THAP11: variants seen among roughly 807,000 people sequenced by gnomAD.
THAP11 encodes THAP domain-containing protein 11.
In THAP11, 8 loss-of-function variants were observed where a neutral mutation model predicts 24.1. The ratio of observed to expected loss-of-function variants is 0.33; its 90% CI spans 0.20 to 0.60. The LOEUF (loss-of-function observed/expected upper bound fraction) is 0.60. Ranked by LOEUF, THAP11 falls within the 20% of genes least tolerant of loss-of-function variation. The probability of loss-of-function intolerance (pLI) is 0.82; values close to 1 mark genes in which losing one functional copy is unlikely to be tolerated. For missense variants in THAP11, 276 were observed against 418.4 expected, an observed-to-expected ratio of 0.66 and a Z score of 2.97; for synonymous variants, 222 against 180.2, an observed-to-expected ratio of 1.23 and a Z score of -1.86.
rs1223887002 is a variant in THAP11 at position 67,842,863 on chromosome 16, GCAGCAGCAGCAA to G, written c.321_332del (p.Gln129_Gln132del). On this transcript the variant is annotated inframe_deletion, in exon 1 of 1. Coordinates refer to ENST00000303596, the MANE Select transcript of THAP11 (RefSeq NM_020457.3). This position sits in a 1 kb window ranked among gnomAD's most constrained non-coding sequence, Gnocchi z 4.9. ...CTGGGGCCGCGGCCGCCCGCCGCAG[GCAGCAGCAGCAA>G]CAGCAGCAGCAGCAGCAACAGCAGC... The G allele has an allele frequency of 2.2e-4, 348 of 1,609,548 alleles. 1 individual carries two copies. Among genetic ancestry groups the G allele is most frequent in the Admixed American group, 9.0e-4 (54 of 59,906 alleles).
rs1424844740 is a variant in THAP11 at position 67,843,796 on chromosome 16, C to T, written c.*297C>T. ...TCAGAACCACTGAACTTGAAACTTA[C>T]CCTCTAGGGATGCAGGTGGGATGTC... On this transcript the variant is annotated 3_prime_UTR_variant, in exon 1 of 1. Transcript: ENST00000303596. This position sits in a 1 kb window ranked among gnomAD's most constrained non-coding sequence, Gnocchi z 5.7. 1.6e-5 allele frequency: 6 copies of T among 377,834 alleles called. No individual in the cohort carries two copies. The highest frequency in any genetic ancestry group is 3.0e-5 in the Non-Finnish European group (6 of 198,046). The allele number at this position is 377,834 out of a possible 1,614,324, so 23.4% of individuals were successfully genotyped here.
At position 67,842,818 on chromosome 16, in the gene THAP11, C is replaced by G; in HGVS notation, c.264C>G (p.Arg88=). 1 of 1,610,470 alleles carries G rather than the reference C, an allele frequency of 6.2e-7. No homozygotes were observed. Among genetic ancestry groups the G allele is most frequent in the Non-Finnish European group, 8.5e-7 (1 of 1,179,300 alleles). The change falls in exon 1 of 1, where the codon CGC becomes CGG. Residue 88 remains arginine (R), a synonymous_variant. Transcript: ENST00000303596. The surrounding 1 kb of genome is among the most constrained non-coding windows in gnomAD (Gnocchi z 4.9). ...TIFPLRGVNE[R]KVARRPAGAA... ...TCCCGCTGCGCGGCGTCAATGAGCG[C>G]AAAGTAGCGCGCAGACCCGCTGGGG...
In THAP11 at chr16:67,842,773, G is replaced by C. The variant is rs780966663; in HGVS notation, c.219G>C (p.Thr73=). Reference sequence around the variant, plus strand: ...TCCAGGGCGGCCGCAAGACCTACACGGTACGCGTCCCCACCATCTTCCCGC... The same window carrying C: ...TCCAGGGCGGCCGCAAGACCTACACCGTACGCGTCCCCACCATCTTCCCGC... ...VHFQGGRKTY[T]VRVPTIFPLR... The change falls in exon 1 of 1, where the codon ACG becomes ACC. Residue 73 remains threonine, a synonymous_variant. Transcript: ENST00000303596. The surrounding 1 kb of genome is among the most constrained non-coding windows in gnomAD (Gnocchi z 4.9). 1 of 1,610,724 alleles carries C rather than the reference G, an allele frequency of 6.2e-7. No individual in the cohort carries two copies. The highest frequency in any genetic ancestry group is 8.5e-7 in the Non-Finnish European group (1 of 1,178,824).
Position 67,843,078 on chromosome 16 carries a change from C to G in THAP11, c.524C>G (p.Pro175Arg). 1.2e-6 allele frequency: 2 copies of G among 1,611,510 alleles called. No individual in the cohort carries two copies. Among genetic ancestry groups the G allele is most frequent in the Non-Finnish European group, 1.7e-6 (2 of 1,180,020 alleles). The change falls in exon 1 of 1, where the codon CCG becomes CGG. Residue 175 changes from proline (P) to arginine (R), a missense_variant. By Grantham distance (103) the Pro-to-Arg change is moderately radical. Coordinates refer to ENST00000303596, the MANE Select transcript of THAP11 (RefSeq NM_020457.3). This position sits in a 1 kb window ranked among gnomAD's most constrained non-coding sequence, Gnocchi z 5.7. ...DSSQAPGSVQ[P>R]APITPTGEDV... ...AGTCAGGCTCCGGGATCCGTACAGC[C>G]GGCGCCCATCACTCCCACTGGAGAA...
In THAP11 at chr16:67,843,107, G is replaced by T. The variant is rs1438350010; in HGVS notation, c.553G>T (p.Val185Leu). The T allele has an allele frequency of 1.2e-6, 2 of 1,610,784 alleles. No individual in the cohort carries two copies. The highest frequency in any genetic ancestry group is 1.7e-6 in the Non-Finnish European group (2 of 1,179,886). The change falls in exon 1 of 1, where the codon GTG becomes TTG. Residue 185 changes from valine (V) to leucine (L), a missense_variant. Val to Leu is a conservative substitution (Grantham distance 32). Coordinates refer to ENST00000303596, the MANE Select transcript of THAP11 (RefSeq NM_020457.3). This position sits in a 1 kb window ranked among gnomAD's most constrained non-coding sequence, Gnocchi z 5.7. Reference protein sequence around the residue: ...PAPITPTGEDVKPIDLTVQVE... With the variant: ...PAPITPTGEDLKPIDLTVQVE... Reference sequence around the variant, plus strand: ...GCCCATCACTCCCACTGGAGAAGACGTGAAGCCCATCGATCTCACAGTGCA... The same window carrying T: ...GCCCATCACTCCCACTGGAGAAGACTTGAAGCCCATCGATCTCACAGTGCA...
rs1486714718 is a variant in THAP11, at chr16:67,842,965, C to G, written c.411C>G (p.Ala137=). The G allele has an allele frequency of 6.2e-7, 1 of 1,607,264 alleles. No homozygotes were observed. The stretch of plus-strand genomic sequence containing the variant: ...AGCAGCAGCAGTCCTCACCCTCTGC[C>G]TCCACTGCCCAGACTGCCCAGCTGC... ...QQQQQQSSPS[A]STAQTAQLQP... The change falls in exon 1 of 1, where the codon GCC becomes GCG. Residue 137 remains alanine (A), a synonymous_variant. Transcript: ENST00000303596. The surrounding 1 kb of genome is among the most constrained non-coding windows in gnomAD (Gnocchi z 4.9).
Position 67,843,536 on chromosome 16 carries a change from C to T in THAP11, c.*37C>T. The T allele has an allele frequency of 6.3e-7, 1 of 1,577,232 alleles. No homozygotes were observed. Among genetic ancestry groups the T allele is most frequent in the African/African-American group, 1.3e-5 (1 of 74,530 alleles). ...GGCAGCCTGCTGGACTCCCAGACCCCATCCAGCCAGGGGACCGCAGGCCAT... is the reference window on the plus strand; with the variant it reads ...GGCAGCCTGCTGGACTCCCAGACCCTATCCAGCCAGGGGACCGCAGGCCAT... On this transcript the variant is annotated 3_prime_UTR_variant, in exon 1 of 1. Transcript: ENST00000303596. The surrounding 1 kb of genome is among the most constrained non-coding windows in gnomAD (Gnocchi z 5.7).
chr16:67,842,479 C>G lies in THAP11; in HGVS notation c.-76C>G. 1 of 1,184,014 alleles carries G rather than the reference C, an allele frequency of 8.4e-7. No individual in the cohort carries two copies. The highest frequency in any genetic ancestry group is 1.1e-6 in the Non-Finnish European group (1 of 937,036). The allele number at this position is 1,184,014 out of a possible 1,614,324, so 73.3% of individuals were successfully genotyped here. ...TCGCGCGGCGCCGCCCGTCGAGGGG[C>G]GGGCGGCGGCGTAGCCACTGGGCCG... On this transcript the variant is annotated 5_prime_UTR_variant, in exon 1 of 1. Coordinates refer to ENST00000303596, the MANE Select transcript of THAP11 (RefSeq NM_020457.3). This position sits in a 1 kb window ranked among gnomAD's most constrained non-coding sequence, Gnocchi z 4.9.
chr16:67,843,571 C>T lies in THAP11; in HGVS notation c.*72C>T, dbSNP rs1415903554. On this transcript the variant is annotated 3_prime_UTR_variant, in exon 1 of 1. Coordinates refer to ENST00000303596, the MANE Select transcript of THAP11 (RefSeq NM_020457.3). The surrounding 1 kb of genome is among the most constrained non-coding windows in gnomAD (Gnocchi z 5.7). ...GGGGACCGCAGGCCATTGTTGAACT[C>T]CTCTATACTCCTGGGCACTGGTTGA... 4 of 1,453,910 alleles carry T rather than the reference C, an allele frequency of 2.8e-6. No individual in the cohort carries two copies. Among genetic ancestry groups the T allele is most frequent in the African/African-American group, 1.4e-5 (1 of 71,310 alleles). The allele number at this position is 1,453,910 out of a possible 1,614,324, so 90.1% of individuals were successfully genotyped here.
Position 67,842,387 on chromosome 16 carries a change from T to G in THAP11, c.-168T>G. Reference sequence around the variant, plus strand: ...GCGGCGCGGGCCGGCAGGAAGCGTATTCTGGGCACGGGGCGCCGGGCGGGC... The same window carrying G: ...GCGGCGCGGGCCGGCAGGAAGCGTAGTCTGGGCACGGGGCGCCGGGCGGGC... On this transcript the variant is annotated 5_prime_UTR_variant, in exon 1 of 1. Coordinates refer to ENST00000303596, the MANE Select transcript of THAP11 (RefSeq NM_020457.3). The surrounding 1 kb of genome is among the most constrained non-coding windows in gnomAD (Gnocchi z 4.9). 8.5e-5 allele frequency: 26 copies of G among 305,438 alleles called. No homozygotes were observed. Among genetic ancestry groups the G allele is most frequent in the Non-Finnish European group, 1.3e-4 (24 of 189,104 alleles). The allele number at this position is 305,438 out of a possible 1,614,324, so 18.9% of individuals were successfully genotyped here.
At position 67,842,785 on chromosome 16, in the gene THAP11, C is replaced by T. The variant is rs1229866485; in HGVS notation, c.231C>T (p.Pro77=). ...GGRKTYTVRV[P]TIFPLRGVNE... Reference sequence around the variant, plus strand: ...GCAAGACCTACACGGTACGCGTCCCCACCATCTTCCCGCTGCGCGGCGTCA... The same window carrying T: ...GCAAGACCTACACGGTACGCGTCCCTACCATCTTCCCGCTGCGCGGCGTCA... Residue 77 remains proline (P), a synonymous_variant, in exon 1 of 1, where the codon CCC becomes CCT. Transcript: ENST00000303596. This position sits in a 1 kb window ranked among gnomAD's most constrained non-coding sequence, Gnocchi z 4.9. 2 of 1,611,170 alleles carry T rather than the reference C, an allele frequency of 1.2e-6. No individual in the cohort carries two copies. Among genetic ancestry groups the T allele is most frequent in the Non-Finnish European group, 8.5e-7 (1 of 1,179,054 alleles).
chr16:67,843,397 C>T lies in THAP11; in HGVS notation c.843C>T (p.Ser281=). The T allele has an allele frequency of 6.2e-7, 1 of 1,614,016 alleles. No homozygotes were observed. The highest frequency in any genetic ancestry group is 1.1e-5 in the South Asian group (1 of 91,086). ...TGAAGATGAAAGAGATGAAAGGCAG[C>T]ATTCGCCACCTGCGTCTCACTGAGG... ...MEVKMKEMKG[S]IRHLRLTEAK... The change falls in exon 1 of 1, where the codon AGC becomes AGT. Residue 281 remains serine, a synonymous_variant. Transcript: ENST00000303596. This position sits in a 1 kb window ranked among gnomAD's most constrained non-coding sequence, Gnocchi z 5.7.
rs1481772893 is a variant in THAP11, at chr16:67,842,517, G to A, written c.-38G>A. The A allele has an allele frequency of 2.7e-6, 4 of 1,466,550 alleles. No individual in the cohort carries two copies. Among genetic ancestry groups the A allele is most frequent in the Non-Finnish European group, 3.6e-6 (4 of 1,109,394 alleles). 90.8% of individuals were successfully genotyped at this position (1,466,550 alleles called of 1,614,324 possible). A position where few individuals can be genotyped will look rare whatever the true frequency, so the allele number is the denominator to read the frequency against. On this transcript the variant is annotated 5_prime_UTR_variant, in exon 1 of 1. Transcript: ENST00000303596. This position sits in a 1 kb window ranked among gnomAD's most constrained non-coding sequence, Gnocchi z 4.9. ...AGCCACTGGGCCGTCGAAGAGCGCAGGAGGCCGGTGGGCCGGGCCGGGCCG... is the reference window on the plus strand; with the variant it reads ...AGCCACTGGGCCGTCGAAGAGCGCAAGAGGCCGGTGGGCCGGGCCGGGCCG...
Position 67,842,349 on chromosome 16 carries a change from CCAGGCGGGCGGCGCGGCGCGGGCCGG to C in THAP11, c.-201_-176del. On this transcript the variant is annotated 5_prime_UTR_variant, in exon 1 of 1. Transcript: ENST00000303596. This position sits in a 1 kb window ranked among gnomAD's most constrained non-coding sequence, Gnocchi z 4.9. ...CCCACTCCCGAGCGCAGGCGGGCAG[CCAGGCGGGCGGCGCGGCGCGGGCCGG>C]CAGGAAGCGTATTCTGGGCACGGGG... 4.9e-6 allele frequency: 1 copy of C among 205,172 alleles called. No homozygotes were observed. The allele number at this position is 205,172 out of a possible 1,614,324, so 12.7% of individuals were successfully genotyped here.
Position 67,842,355 on chromosome 16 carries a change from G to T in THAP11, c.-200G>T. 4.7e-6 allele frequency: 1 copy of T among 214,236 alleles called. No individual in the cohort carries two copies. Among genetic ancestry groups the T allele is most frequent in the South Asian group, 1.8e-4 (1 of 5,692 alleles). The allele number at this position is 214,236 out of a possible 1,614,324, so 13.3% of individuals were successfully genotyped here. A position where few individuals can be genotyped will look rare whatever the true frequency, so the allele number is the denominator to read the frequency against. ...CCCGAGCGCAGGCGGGCAGCCAGGC[G>T]GGCGGCGCGGCGCGGGCCGGCAGGA... On this transcript the variant is annotated 5_prime_UTR_variant, in exon 1 of 1. Coordinates refer to ENST00000303596, the MANE Select transcript of THAP11 (RefSeq NM_020457.3). This position sits in a 1 kb window ranked among gnomAD's most constrained non-coding sequence, Gnocchi z 4.9.
Position 67,842,889 on chromosome 16 carries a change from A to G in THAP11, c.335A>G (p.Gln112Arg). ...CAGCAGCAGCAACAGCAGCAGCAGC[A>G]GCAACAGCAGCAACAGCAGCAGCAG... ...RRQQQQQQQQ[Q>R]QQQQQQQQQQ... The change falls in exon 1 of 1, where the codon CAG becomes CGG. Residue 112 changes from glutamine (Q) to arginine (R), a missense_variant. Gln to Arg is a conservative substitution (Grantham distance 43). Coordinates refer to ENST00000303596, the MANE Select transcript of THAP11 (RefSeq NM_020457.3). This position sits in a 1 kb window ranked among gnomAD's most constrained non-coding sequence, Gnocchi z 4.9. The G allele has an allele frequency of 6.3e-7, 1 of 1,586,310 alleles. No individual in the cohort carries two copies. The highest frequency in any genetic ancestry group is 8.5e-7 in the Non-Finnish European group (1 of 1,170,292).
rs907816175 is a variant in THAP11 at position 67,842,337 on chromosome 16, G to A, written c.-218G>A. The stretch of plus-strand genomic sequence containing the variant: ...GCGTCCCCGGGGCCCACTCCCGAGC[G>A]CAGGCGGGCAGCCAGGCGGGCGGCG... On this transcript the variant is annotated 5_prime_UTR_variant, in exon 1 of 1. Transcript: ENST00000303596. This position sits in a 1 kb window ranked among gnomAD's most constrained non-coding sequence, Gnocchi z 4.9. 25 of 187,906 alleles carry A rather than the reference G, an allele frequency of 1.3e-4. No individual in the cohort carries two copies. Among genetic ancestry groups the A allele is most frequent in the Admixed American group, 4.3e-4 (7 of 16,306 alleles). The allele number at this position is 187,906 out of a possible 1,614,324, so 11.6% of individuals were successfully genotyped here.
chr16:67,843,321 A>G lies in THAP11; in HGVS notation c.767A>G (p.Glu256Gly). Residue 256 changes from glutamate to glycine, a missense_variant, in exon 1 of 1, where the codon GAG becomes GGG. Glu to Gly is a moderately conservative substitution (Grantham distance 98). Around this residue, in one of 3 missense-constraint regions of THAP11, gnomAD observed 38 missense variants for 95.9 expected, o/e 0.40. Transcript: ENST00000303596. This position sits in a 1 kb window ranked among gnomAD's most constrained non-coding sequence, Gnocchi z 5.7. ...TTGTCGTCAGGCACCACGGAGGAGG[A>G]GCTCCTGCGCAAGCTGAATGAGCAG... ...YSLSSGTTEE[E>G]LLRKLNEQRD... is the part of the protein sequence containing the mutation. 6.2e-7 allele frequency: 1 copy of G among 1,613,890 alleles called. No individual in the cohort carries two copies. Among genetic ancestry groups the G allele is most frequent in the Non-Finnish European group, 8.5e-7 (1 of 1,180,030 alleles).
At position 67,842,825 on chromosome 16, in the gene THAP11, G is replaced by A; in HGVS notation, c.271G>A (p.Ala91Thr). 1 of 1,610,106 alleles carries A rather than the reference G, an allele frequency of 6.2e-7. No individual in the cohort carries two copies. The highest frequency in any genetic ancestry group is 8.5e-7 in the Non-Finnish European group (1 of 1,179,296). ...PLRGVNERKV[A>T]RRPAGAAAAR... Reference sequence around the variant, plus strand: ...GCGCGGCGTCAATGAGCGCAAAGTAGCGCGCAGACCCGCTGGGGCCGCGGC... The same window carrying A: ...GCGCGGCGTCAATGAGCGCAAAGTAACGCGCAGACCCGCTGGGGCCGCGGC... The change falls in exon 1 of 1, where the codon GCG becomes ACG. Residue 91 changes from alanine to threonine, a missense_variant. This residue lies in a region of THAP11 where 210 missense variants were observed against 203.4 expected (regional missense o/e 1.03). Coordinates refer to ENST00000303596, the MANE Select transcript of THAP11 (RefSeq NM_020457.3). This position sits in a 1 kb window ranked among gnomAD's most constrained non-coding sequence, Gnocchi z 4.9.
Sources: gnomAD v4.1 joint callset for allele counts on GRCh38, gnomAD v4.1.1 for gene constraint, gnomAD v4.1.1 regional missense constraint, Gnocchi (gnomAD v3.1) non-coding constraint, MANE v1.5 for transcripts, NCBI Gene and HGNC (gene_info 2026-07-23, HGNC 2026-07-21) for gene names.